CLUAP1: variants seen among roughly 807,000 people sequenced by gnomAD.
CLUAP1 encodes the protein intraflagellar transport 38.
In CLUAP1, 50 loss-of-function variants were observed where a neutral mutation model predicts 55.0. The observed-to-expected ratio is 0.91, with a 90% CI of 0.72 to 1.15. The LOEUF (loss-of-function observed/expected upper bound fraction) is 1.15. CLUAP1 is among the 50% of genes most tolerant of loss of function. CLUAP1 has a pLI of 0.00. For synonymous variants in CLUAP1, 195 were observed against 175.4 expected, an observed-to-expected ratio of 1.11 and a Z score of -0.88; for missense variants, 530 against 507.6, an observed-to-expected ratio of 1.04 and a Z score of -0.42.
Position 3,512,484 on chromosome 16 carries a change from C to G in CLUAP1, c.495+6C>G. On this transcript the variant is annotated splice_donor_region_variant and intron_variant, in intron 5 of 11. Coordinates refer to ENST00000576634, the MANE Select transcript of CLUAP1 (RefSeq NM_015041.3). ...GCATGGAAGTAGAGTTGAGGGTAAG[C>G]ATTCCAGTACTTCCTTAACCATGCA... 6.3e-7 allele frequency: 1 copy of G among 1,598,370 alleles called. No individual in the cohort carries two copies. Among genetic ancestry groups the G allele is most frequent in the Non-Finnish European group, 8.6e-7 (1 of 1,165,704 alleles).
chr16:3,513,847 A>T (rs1339352571), intron 5 of CLUAP1, among the ~76,000 whole-genome samples: 2 of 152,194 alleles, frequency 1.3e-5, no homozygotes, highest in Non-Finnish European at 2.9e-5. Context: ...AATTTCTTTC[A>T]TTCACTTCCT....
chr16:3,508,637 A>G (rs1445435105), intron 4 of CLUAP1, among the ~76,000 whole-genome samples, 169 bp downstream of exon 4: 1 of 152,232 alleles, frequency 6.6e-6, no homozygotes, highest in Non-Finnish European at 1.5e-5. Context: ...CAATCCACTA[A>G]TTCAACTATT....
chr16:3,529,616 A>ATATTATATATTATATAT (rs1430839323), intron 9 of CLUAP1, among the ~76,000 whole-genome samples: 8 of 17,776 alleles, frequency 4.5e-4, no homozygotes, highest in Non-Finnish European at 5.0e-4. Flanking sequence ...ATATTATATA[A>ATATTATATATTATATAT]TATTATATAT....
At chr16:3,531,878 C>T (rs1217049369) in intron 10 of CLUAP1, among the ~76,000 whole-genome samples, 3 of 151,156 alleles carry the variant, frequency 2.0e-5, no homozygotes, top group African/African-American at 7.3e-5. Context: ...AAGTCTCGCT[C>T]TTGGTCCCCA....
chr16:3,533,000 C>A (rs1355397719), intron 11 of CLUAP1, 159 bp downstream of exon 11: 6 of 1,348,424 alleles, frequency 4.4e-6, no homozygotes, highest in Non-Finnish European at 6.2e-6. Context: ...AGGCTCTGGA[C>A]TCTTCGTTGC....
intron 7 of CLUAP1, among the ~76,000 whole-genome samples, chr16:3,521,876 G>A (rs547932773): frequency 1.3e-5 from 2 of 151,996 alleles, no homozygotes; most frequent in South Asian, 2.1e-4. Context: ...GCAATATGGC[G>A]AAACCCCATC....
intron 4 of CLUAP1, chr16:3,509,972 A>T (rs2037589197): frequency 6.6e-6 from 1 of 151,426 alleles, no homozygotes; most frequent in South Asian, 2.1e-4. Flanking sequence ...GATTACAGGT[A>T]CACACCACCA....
In CLUAP1 at chr16:3,538,539, A is replaced by G. The variant is rs1226834691; in HGVS notation, c.*2268A>G. ...TTCTGTTTTGAAAAAACATACGAAT[A>G]GAGTTCTATTTTCCTTATGTGATGC... On this transcript the variant is annotated 3_prime_UTR_variant, in exon 12 of 12. Transcript: ENST00000576634. The G allele has an allele frequency of 6.6e-6, 1 of 152,224 alleles. No individual in the cohort carries two copies. The highest frequency in any genetic ancestry group is 6.5e-5 in the Admixed American group (1 of 15,280). 9.4% of individuals were successfully genotyped at this position (152,224 alleles called of 1,614,324 possible). A position where few individuals can be genotyped will look rare whatever the true frequency, so the allele number is the denominator to read the frequency against.
chr16:3,500,820 A>G (rs552572746), upstream of CLUAP1: 108 of 556,890 alleles, frequency 1.9e-4, 1 homozygote, highest in South Asian at 2.3e-3. Flanking sequence ...GAAGCTGGGA[A>G]GCTTGCAGCC....
At chr16:3,513,169 T>TG (rs1339575161) in intron 5 of CLUAP1, among the ~76,000 whole-genome samples, 3 of 152,230 alleles carry the variant, frequency 2.0e-5, no homozygotes, top group Non-Finnish European at 4.4e-5. Flanking sequence ...TGCAAACACC[T>TG]GGGGACCTCT....
chr16:3,528,292 CCA>C (rs1329869608), intron 9 of CLUAP1, among the ~76,000 whole-genome samples: 2 of 152,032 alleles, frequency 1.3e-5, no homozygotes, highest in Non-Finnish European at 2.9e-5. Context: ...GGCATCAGGC[CCA>C]CACACATGCT....
At chr16:3,525,213 C>A (rs1282932671) in intron 8 of CLUAP1, among the ~76,000 whole-genome samples, 1 of 152,146 alleles carries the variant, frequency 6.6e-6, no homozygotes, top group Non-Finnish European at 1.5e-5. Flanking sequence ...ACATTTTAAA[C>A]ATTGGGTACC....
chr16:3,497,791 T>C (rs187718790), upstream of CLUAP1, among the ~76,000 whole-genome samples: 10 of 152,254 alleles, frequency 6.6e-5, no homozygotes, highest in Admixed American at 5.2e-4. Flanking sequence ...GCCTGGCTAA[T>C]TTTTTAATTT....
At chr16:3,514,477 C>T (rs2037692333) in intron 5 of CLUAP1, among the ~76,000 whole-genome samples, 1 of 152,230 alleles carries the variant, frequency 6.6e-6, no homozygotes, top group South Asian at 2.1e-4. Flanking sequence ...TGCCCTCAGC[C>T]ATTCCCACCA....
chr16:3,519,100 G>A (rs976524078), intron 6 of CLUAP1, among the ~76,000 whole-genome samples: 3 of 152,218 alleles, frequency 2.0e-5, no homozygotes, highest in South Asian at 2.1e-4. Flanking sequence ...GCCAGCCACC[G>A]GACAAGACGC....
In CLUAP1 at chr16:3,512,683, T is replaced by A. The variant is rs932197788; in HGVS notation, c.495+205T>A. ...GCTTTATTTATTTATTTATTTATTT[T>A]TATTTATTTATTTTTGAGACGGAGT... On this transcript the variant is annotated intron_variant, in intron 5 of 11. Coordinates refer to ENST00000576634, the MANE Select transcript of CLUAP1 (RefSeq NM_015041.3). Among the ~76,000 whole-genome samples the A allele has an allele frequency of 3.9e-5, 6 of 152,078 alleles. No homozygotes were observed. In the South Asian group the frequency reaches 1.0e-3, roughly 26 times the overall value.
At chr16:3,521,089 C>T (rs1334801839) in intron 7 of CLUAP1, among the ~76,000 whole-genome samples, 1 of 152,052 alleles carries the variant, frequency 6.6e-6, no homozygotes, top group Non-Finnish European at 1.5e-5. Context: ...AGGGAGCGCC[C>T]TGGCTCCTCC....
intron 1 of CLUAP1, among the ~76,000 whole-genome samples, chr16:3,501,810 C>T (rs1017967844): frequency 6.6e-6 from 1 of 151,960 alleles, no homozygotes; most frequent in Non-Finnish European, 1.5e-5. Flanking sequence ...CAACCAGCAA[C>T]GAAACCGAGG....
At chr16:3,516,620 A>G (rs2037734125) in intron 6 of CLUAP1, among the ~76,000 whole-genome samples, 1 of 152,364 alleles carries the variant, frequency 6.6e-6, no homozygotes, top group East Asian at 1.9e-4. Flanking sequence ...GGTTAAACGC[A>G]TAGTTTTCAA....
Sources: gnomAD v4.1 joint callset for allele counts (sites outside exome capture counted in the v4.1 genomes callset) on GRCh38, gnomAD v4.1.1 for gene constraint, MANE v1.5 for transcripts, NCBI Gene and HGNC (gene_info 2026-07-23, HGNC 2026-07-21) for gene names.